The following KIF24 variants were observed in gnomAD, a reference collection of about 807,000 sequenced individuals.
KIF24 encodes kinesin family member 24.
Under a neutral mutation model 118.9 loss-of-function variants are expected in KIF24, and 81 were observed. That is an observed-to-expected ratio of 0.68 (90% CI 0.57 to 0.82). The LOEUF (loss-of-function observed/expected upper bound fraction) is 0.82, where lower values mean the gene tolerates loss of function less well. Ranked by LOEUF, KIF24 falls within the 40% of genes least tolerant of loss-of-function variation. The pLI, the probability that KIF24 is intolerant of heterozygous loss-of-function variation, is 0.00. For synonymous variants in KIF24, 599 were observed against 610.0 expected (o/e 0.98, Z 0.27); for missense variants, 1,560 against 1,661.6 (o/e 0.94, Z 1.06).
At chr9:34,258,727 G>T (rs1834947672) in intron 10 of KIF24, among the ~76,000 whole-genome samples, 1 of 152,094 alleles carries the variant, frequency 6.6e-6, no homozygotes, top group African/African-American at 2.4e-5. Context: ...CCCCTTTCAG[G>T]CTTCTCTAGG....
At chr9:34,280,280 T>C in intron 6 of KIF24, among the ~76,000 whole-genome samples, 1 of 56,286 alleles carries the variant, frequency 1.8e-5, no homozygotes, top group Non-Finnish European at 2.9e-5. Context: ...CGAGACTCCG[T>C]CTCAAAAAAA....
At position 34,318,755 on chromosome 9, in the gene KIF24, C is replaced by T; in HGVS notation, c.-25-7384G>A. The T allele has an allele frequency of 6.6e-7, 1 of 1,515,178 alleles. No homozygotes were observed. Among genetic ancestry groups the T allele is most frequent in the South Asian group, 1.2e-5 (1 of 86,936 alleles). The allele number at this position is 1,515,178 out of a possible 1,614,324, so 93.9% of individuals were successfully genotyped here. On this transcript the variant is annotated intron_variant, in intron 1 of 12. Coordinates refer to ENST00000402558, the MANE Select transcript of KIF24 (RefSeq NM_194313.4). The surrounding 1 kb of genome is among the most constrained non-coding windows in gnomAD (Gnocchi z 4.9). ...CGGCGTGGGCGAGCCGCTGCGTTCA[C>T]TCAGCAACTCCACCGCGCGCAACGT...
chr9:34,311,291 GAAT>G lies in KIF24; in HGVS notation c.53_55del (p.Tyr18del), dbSNP rs752186973. The G allele has an allele frequency of 1.2e-6, 2 of 1,608,108 alleles. No individual in the cohort carries two copies. The highest frequency in any genetic ancestry group is 1.7e-6 in the Non-Finnish European group (2 of 1,176,882). On this transcript the variant is annotated inframe_deletion, in exon 2 of 13. Coordinates refer to ENST00000402558, the MANE Select transcript of KIF24 (RefSeq NM_194313.4). ...CTGAAGGCCAAGGGCAGTGAAATGA[GAAT>G]AATACTGTGCAAGTTCAGCTTCACA... is the stretch of plus-strand genomic sequence containing the variant.
chr9:34,313,017 G>A (rs1837219695), intron 1 of KIF24, among the ~76,000 whole-genome samples: 1 of 152,188 alleles, frequency 6.6e-6, no homozygotes, highest in Non-Finnish European at 1.5e-5. Flanking sequence ...GTTTTGTGAA[G>A]GCAGATTTGT....
At position 34,311,351 on chromosome 9, in the gene KIF24, G is replaced by C. The variant is rs1837137819; in HGVS notation, c.-5C>G. ...TTCATATAACCAGGATGCCATTTTG[G>C]TGAATAGGTTTCTATAAACTCTGAA... On this transcript the variant is annotated 5_prime_UTR_variant, in exon 2 of 13. Transcript: ENST00000402558. 1 of 1,548,774 alleles carries C rather than the reference G, an allele frequency of 6.5e-7. No individual in the cohort carries two copies. Among genetic ancestry groups the C allele is most frequent in the South Asian group, 1.2e-5 (1 of 80,482 alleles).
At position 34,255,112 on chromosome 9, in the gene KIF24, C is replaced by T; in HGVS notation, c.3926G>A (p.Gly1309Asp). 6.3e-7 allele frequency: 1 copy of T among 1,595,662 alleles called. No homozygotes were observed. Among genetic ancestry groups the T allele is most frequent in the Non-Finnish European group, 8.5e-7 (1 of 1,170,868 alleles). The change falls in exon 12 of 13, where the codon GGC becomes GAC. Residue 1309 changes from glycine to aspartate, a missense_variant. By Grantham distance (94) the Gly-to-Asp change is moderately conservative (BLOSUM62 -1). Coordinates refer to ENST00000402558, the MANE Select transcript of KIF24 (RefSeq NM_194313.4). ...QEQLDEMAEL[G>D]FKEETLMSQL... is the part of the protein sequence containing the mutation. ...GCTCATCAGCGTCTCCTCCTTGAAG[C>T]CGAGCTCAGCCATTTCATCCAGCTG...
intron 8 of KIF24, among the ~76,000 whole-genome samples, chr9:34,264,960 A>G (rs1835231120): frequency 6.6e-6 from 1 of 152,180 alleles, no homozygotes; most frequent in East Asian, 1.9e-4. Context: ...GATGCCGTTA[A>G]GTGACAAAAG....
At chr9:34,268,507 T>C (rs1191978934) in intron 8 of KIF24, among the ~76,000 whole-genome samples, 1 of 70,476 alleles carries the variant, frequency 1.4e-5, no homozygotes, top group African/African-American at 3.8e-5. Flanking sequence ...AGGATTTTCT[T>C]TCTTTTTTTT....
chr9:34,276,924 C>T (rs1835679055), intron 6 of KIF24, among the ~76,000 whole-genome samples: 1 of 152,150 alleles, frequency 6.6e-6, no homozygotes, highest in African/African-American at 2.4e-5. Flanking sequence ...CACTTAAGGC[C>T]AGCGCTGTGA....
chr9:34,285,789 A>G (rs1478627742), intron 6 of KIF24, among the ~76,000 whole-genome samples: 1 of 150,498 alleles, frequency 6.6e-6, no homozygotes, highest in Non-Finnish European at 1.5e-5. Context: ...AAAAAAAAAA[A>G]AAATTAAAAA....
rs368903890 is a variant in KIF24 at position 34,259,639 on chromosome 9, C to T, written c.1582G>A (p.Val528Met). 7 of 1,613,748 alleles carry T rather than the reference C, an allele frequency of 4.3e-6. No individual in the cohort carries two copies. Among genetic ancestry groups the T allele is most frequent in the East Asian group, 4.5e-5 (2 of 44,888 alleles). ...CMIANISPSH[V>M]ATEHTLNTLR... ...GTGTTGAGAGTGTGTTCAGTGGCCA[C>T]GTGGCTTGGTGAGATGTTGGCGATC... is the stretch of plus-strand genomic sequence containing the variant. The change falls in exon 10 of 13, where the codon GTG becomes ATG. Residue 528 changes from valine to methionine, a missense_variant. Val to Met is a conservative substitution (Grantham distance 21, BLOSUM62 1). Around this residue, in one of 3 missense-constraint regions of KIF24, gnomAD observed 964 missense variants for 988.0 expected, o/e 0.98. Coordinates refer to ENST00000402558, the MANE Select transcript of KIF24 (RefSeq NM_194313.4).
Position 34,310,754 on chromosome 9 carries a change from T to C in KIF24, c.593A>G (p.Tyr198Cys), listed in dbSNP as rs753401413. 6.2e-7 allele frequency: 1 copy of C among 1,608,344 alleles called. No homozygotes were observed. Residue 198 changes from tyrosine (Y) to cysteine (C), a missense_variant, in exon 2 of 13, where the codon TAT becomes TGT. Physicochemically the swap from Tyr to Cys is radical, Grantham distance 194. Transcript: ENST00000402558. The part of the protein sequence containing the change: ...IIQRISHVSG[Y>C]NYGIPHSCIR... ...ACAAGAATGAGGGATTCCATAGTTA[T>C]ACCCTGAAACATGAGAGATTCTTTG...
intron 6 of KIF24, among the ~76,000 whole-genome samples, chr9:34,286,295 T>C (rs565492520): frequency 9.0e-4 from 137 of 151,996 alleles, no homozygotes; most frequent in African/African-American, 3.0e-3. Flanking sequence ...GATTGTGCCA[T>C]TGCACTCCAG....
At chr9:34,316,639 G>C (rs1837338596) in intron 1 of KIF24, among the ~76,000 whole-genome samples, 1 of 152,236 alleles carries the variant, frequency 6.6e-6, no homozygotes, top group Non-Finnish European at 1.5e-5. Flanking sequence ...CTACTTTGAT[G>C]ATCTGATTAA....
chr9:34,260,853 C>T lies in KIF24; in HGVS notation c.1516-1148G>A, dbSNP rs918700130. ...AGGCATGGTGGCACACACCTGTAGT[C>T]CCAGATACTCCAGGGGCTTGTGGCA... On this transcript the variant is annotated intron_variant, in intron 9 of 12. Transcript: ENST00000402558. 3.9e-4 allele frequency among the ~76,000 whole-genome samples: 60 copies of T among 152,100 alleles called. 1 individual carries two copies. The highest frequency in any genetic ancestry group is 1.4e-3 in the African/African-American group (56 of 41,412).
chr9:34,255,176 CAG>C lies in KIF24; in HGVS notation c.3873-13_3873-12del. Reference sequence around the variant, plus strand: ...CGGATGACCACCTGCCTGGGAACACCAGAGAGAACACTGTGATCTTCCTGGCC... The same window carrying C: ...CGGATGACCACCTGCCTGGGAACACCAGAGAACACTGTGATCTTCCTGGCC... On this transcript the variant is annotated splice_polypyrimidine_tract_variant and intron_variant, in intron 11 of 12. Transcript: ENST00000402558. The C allele has an allele frequency of 6.6e-7, 1 of 1,514,206 alleles. No homozygotes were observed. The highest frequency in any genetic ancestry group is 1.4e-5 in the African/African-American group (1 of 72,804). 93.8% of individuals were successfully genotyped at this position (1,514,206 alleles called of 1,614,324 possible). A position where few individuals can be genotyped will look rare whatever the true frequency, so the allele number is the denominator to read the frequency against.
chr9:34,332,831 C>T (rs1211458272), upstream of KIF24, among the ~76,000 whole-genome samples: 1 of 152,148 alleles, frequency 6.6e-6, no homozygotes, highest in African/African-American at 2.4e-5. Context: ...TTTTCTTTTG[C>T]ATTTCTTTCT....
intron 6 of KIF24, 120 bp downstream of exon 6, chr9:34,286,497 G>C: frequency 1.5e-6 from 1 of 662,262 alleles, no homozygotes; most frequent in South Asian, 1.9e-5. Flanking sequence ...GGGAAGTGGT[G>C]GGCTTGTCAT....
rs1389169289 is a variant in KIF24, at chr9:34,318,592, G to A, written c.-25-7221C>T. 4.3e-5 allele frequency: 60 copies of A among 1,387,436 alleles called. No individual in the cohort carries two copies. The highest frequency in any genetic ancestry group is 8.3e-5 in the African/African-American group (6 of 72,164). 85.9% of individuals were successfully genotyped at this position (1,387,436 alleles called of 1,614,324 possible). The stretch of plus-strand genomic sequence containing the variant: ...ACCAGGCCATGGCCAAGGACCAGGC[G>A]GTGGAGAACATCCTGGTGTCGCCCG... On this transcript the variant is annotated intron_variant, in intron 1 of 12. Transcript: ENST00000402558. This position sits in a 1 kb window ranked among gnomAD's most constrained non-coding sequence, Gnocchi z 4.9.
Sources: allele counts gnomAD v4.1 joint callset (sites outside exome capture counted in the v4.1 genomes callset), GRCh38; gene constraint gnomAD v4.1.1; regional missense constraint gnomAD v4.1.1; non-coding constraint Gnocchi (gnomAD v3.1); transcripts MANE v1.5; gene names NCBI Gene and HGNC (gene_info 2026-07-23, HGNC 2026-07-21).